The following KLHL41 variants were observed in gnomAD, a reference collection of about 807,000 sequenced individuals.
KLHL41 encodes kelch-like protein 41.
KLHL41 carries 31 observed loss-of-function variants against 49.2 expected under a neutral mutation model. The observed-to-expected ratio is 0.63, with a 90% confidence interval of 0.47 to 0.85. KLHL41 has a LOEUF of 0.85. Ranked by LOEUF, KLHL41 falls within the 40% of genes least tolerant of loss-of-function variation. The pLI is 0.00. For synonymous variants in KLHL41, 218 were observed against 258.5 expected (o/e 0.84, Z 1.50); for missense variants, 663 against 726.7 (o/e 0.91, Z 1.01).
chr2:169,520,607 G>A (rs1441286968), intron 4 of KLHL41, among the ~76,000 whole-genome samples: 3 of 151,572 alleles, frequency 2.0e-5, no homozygotes, highest in Non-Finnish European at 4.4e-5. Context: ...GCGCGCCACC[G>A]TGCCTGGCTA....
At position 169,510,092 on chromosome 2, in the gene KLHL41, A is replaced by G. The variant is rs1225605570; in HGVS notation, c.314A>G (p.Asp105Gly). 12 of 1,614,034 alleles carry G rather than the reference A, an allele frequency of 7.4e-6. No individual in the cohort carries two copies. Among genetic ancestry groups the G allele is most frequent in the Non-Finnish European group, 1.0e-5 (12 of 1,180,042 alleles). Residue 105 changes from aspartate to glycine, a missense_variant, in exon 1 of 6, where the codon GAT becomes GGT. Asp to Gly is a moderately conservative substitution (Grantham distance 94, BLOSUM62 -1). This residue lies in a region of KLHL41 where 129 missense variants were observed against 122.1 expected (regional missense o/e 1.06). Transcript: ENST00000284669. The surrounding 1 kb of genome is among the most constrained non-coding windows in gnomAD (Gnocchi z 4.2). ...GATCTCAATGACGGAAATGTGCAAG[A>G]TATTTTTGCATTGGCCAGCCGCTTT... ...SIDLNDGNVQ[D>G]IFALASRFQI... is the part of the protein sequence containing the mutation.
At chr2:169,515,117 G>C (rs1334647913) in intron 3 of KLHL41, among the ~76,000 whole-genome samples, 156 bp downstream of exon 3, 1 of 146,912 alleles carries the variant, frequency 6.8e-6, no homozygotes, top group African/African-American at 2.5e-5. Context: ...CACTGCAACC[G>C]CCGCCTCCTG....
chr2:169,522,798 T>C (rs938596196), intron 5 of KLHL41, among the ~76,000 whole-genome samples: 1 of 133,546 alleles, frequency 7.5e-6, no homozygotes, highest in Non-Finnish European at 1.5e-5. Flanking sequence ...TCTTGGCTCA[T>C]TGCAACCTCC....
chr2:169,513,940 A>G (rs1349344815), intron 1 of KLHL41, among the ~76,000 whole-genome samples: 1 of 152,198 alleles, frequency 6.6e-6, no homozygotes, highest in African/African-American at 2.4e-5. Context: ...ATTAATATAA[A>G]TTTTTTAAAA....
At chr2:169,512,845 TTTGA>T (rs1684048099) in intron 1 of KLHL41, among the ~76,000 whole-genome samples, 1 of 152,210 alleles carries the variant, frequency 6.6e-6, no homozygotes, top group Non-Finnish European at 1.5e-5. Context: ...TAATTTGACC[TTTGA>T]TTGTATGCTG....
At position 169,526,006 on chromosome 2, in the gene KLHL41, A is replaced by G. The variant is rs1277839527; in HGVS notation, c.*310A>G. On this transcript the variant is annotated 3_prime_UTR_variant, in exon 6 of 6. Coordinates refer to ENST00000284669, the MANE Select transcript of KLHL41 (RefSeq NM_006063.3). Reference sequence around the variant, plus strand: ...GTTGTTTGCTAATCATTTCATTTGCATCATTAGGGTATCCTTAAACTGATT... The same window carrying G: ...GTTGTTTGCTAATCATTTCATTTGCGTCATTAGGGTATCCTTAAACTGATT... 1.0e-5 allele frequency: 2 copies of G among 194,724 alleles called. No homozygotes were observed. Among genetic ancestry groups the G allele is most frequent in the Non-Finnish European group, 2.1e-5 (2 of 96,054 alleles). 12.1% of individuals were successfully genotyped at this position (194,724 alleles called of 1,614,324 possible).
At chr2:169,520,316 G>GTGTGTGTGTGTGTA (rs1684184147) in intron 4 of KLHL41, among the ~76,000 whole-genome samples, 1 of 139,898 alleles carries the variant, frequency 7.1e-6, no homozygotes, top group African/African-American at 2.5e-5. Context: ...GTGTGTATGT[G>GTGTGTGTGTGTGTA]TGTGTGTGTG....
intron 3 of KLHL41, among the ~76,000 whole-genome samples, chr2:169,517,268 G>A (rs979039751): frequency 1.3e-5 from 2 of 152,016 alleles, no homozygotes; most frequent in African/African-American, 4.8e-5. Context: ...TTGAAATTCT[G>A]AACTCCCATC....
At chr2:169,523,971 T>C (rs1046898706) in intron 5 of KLHL41, among the ~76,000 whole-genome samples, 38 of 146,626 alleles carry the variant, frequency 2.6e-4, no homozygotes, top group Non-Finnish European at 2.5e-4. Flanking sequence ...GTGAAAACTC[T>C]CAGTATACAA....
In KLHL41 at chr2:169,526,177, C is replaced by G. The variant is rs1329729280; in HGVS notation, c.*481C>G. The G allele has an allele frequency of 6.6e-6, 1 of 152,202 alleles. No individual in the cohort carries two copies. Among genetic ancestry groups the G allele is most frequent in the Non-Finnish European group, 1.5e-5 (1 of 68,060 alleles). The allele number at this position is 152,202 out of a possible 1,614,324, so 9.4% of individuals were successfully genotyped here. ...ATGCCATAAGATGACTTCAGAAATC[C>G]TACTTCAGAAGTGTAATAAATGGAT... On this transcript the variant is annotated 3_prime_UTR_variant, in exon 6 of 6. Coordinates refer to ENST00000284669, the MANE Select transcript of KLHL41 (RefSeq NM_006063.3).
intron 5 of KLHL41, among the ~76,000 whole-genome samples, chr2:169,522,377 C>T (rs928524876): frequency 2.6e-5 from 4 of 151,948 alleles, no homozygotes; most frequent in African/African-American, 9.7e-5. Flanking sequence ...TTTCCCTCCT[C>T]CCCCCAAAAA....
rs1684142653 is a variant in KLHL41, at chr2:169,518,123, C to G, written c.1377-67C>G. ...TATATATTTTTCATGACAAGCAAAG[C>G]CAAATTATTAGTGAAGGTGCTGTCA... is the stretch of plus-strand genomic sequence containing the variant. On this transcript the variant is annotated intron_variant, in intron 3 of 5. Transcript: ENST00000284669. 6.8e-6 allele frequency: 8 copies of G among 1,176,330 alleles called. No homozygotes were observed. The Admixed American group carries it at 1.6e-4, about 24-fold the overall frequency. The allele number at this position is 1,176,330 out of a possible 1,614,324, so 72.9% of individuals were successfully genotyped here. A position where few individuals can be genotyped will look rare whatever the true frequency, so the allele number is the denominator to read the frequency against.
intron 3 of KLHL41, among the ~76,000 whole-genome samples, chr2:169,516,813 G>A (rs1172354762): frequency 6.6e-6 from 1 of 152,110 alleles, no homozygotes; most frequent in Non-Finnish European, 1.5e-5. Flanking sequence ...CCTGAGGTCG[G>A]GAATTTGAGA....
chr2:169,511,131 C>A (rs942913973), intron 1 of KLHL41, among the ~76,000 whole-genome samples: 1 of 152,166 alleles, frequency 6.6e-6, no homozygotes, highest in African/African-American at 2.4e-5. Context: ...TTAAGATGTT[C>A]TTTATACTAT....
chr2:169,513,244 T>C (rs1164229400), intron 1 of KLHL41, among the ~76,000 whole-genome samples: 1 of 152,186 alleles, frequency 6.6e-6, no homozygotes, highest in East Asian at 1.9e-4. Flanking sequence ...GTTCTGTGTA[T>C]TTGGGAAAAT....
At chr2:169,521,289 C>T (rs1684199739) in intron 5 of KLHL41, among the ~76,000 whole-genome samples, 2 of 152,202 alleles carry the variant, frequency 1.3e-5, no homozygotes, top group South Asian at 4.1e-4. Flanking sequence ...CATTCCAGCT[C>T]TAAGAGTATA....
chr2:169,522,895 GT>G (rs747604639), intron 5 of KLHL41, among the ~76,000 whole-genome samples: 6 of 151,464 alleles, frequency 4.0e-5, no homozygotes, highest in Non-Finnish European at 8.8e-5. Context: ...GCTAATTTTT[GT>G]ATTTTTAGTA....
intron 1 of KLHL41, among the ~76,000 whole-genome samples, chr2:169,511,785 T>C (rs1684032577): frequency 6.6e-6 from 1 of 152,228 alleles, no homozygotes. Context: ...TTATTAGAAC[T>C]TAACAATCTG....
rs769897644 is a variant in KLHL41, at chr2:169,509,940, T to C, written c.162T>C (p.Cys54=). 9 of 1,614,232 alleles carry C rather than the reference T, an allele frequency of 5.6e-6. No homozygotes were observed. Among genetic ancestry groups the C allele is most frequent in the Admixed American group, 1.7e-5 (1 of 60,024 alleles). The change falls in exon 1 of 6, where the codon TGT becomes TGC. Residue 54 remains cysteine (C), a synonymous_variant. Coordinates refer to ENST00000284669, the MANE Select transcript of KLHL41 (RefSeq NM_006063.3). ...GCCACAGATTGATTTTGTCAGCTTG[T>C]AGTCCTTACTTCCGTGAGTACTTTT... ...LPCHRLILSA[C]SPYFREYFLS... is the part of the protein sequence containing the mutation.
Sources: allele counts gnomAD v4.1 joint callset (sites outside exome capture counted in the v4.1 genomes callset), GRCh38; gene constraint gnomAD v4.1.1; regional missense constraint gnomAD v4.1.1; non-coding constraint Gnocchi (gnomAD v3.1); transcripts MANE v1.5; gene names NCBI Gene and HGNC (gene_info 2026-07-23, HGNC 2026-07-21).